The following TAS2R1 variants were observed in gnomAD, a reference collection of about 807,000 sequenced individuals.
TAS2R1 encodes taste 2 receptor member 1.
For missense variants in TAS2R1, 370 were observed against 353.4 expected (o/e 1.05, Z -0.38); for synonymous variants, 141 against 134.2 (o/e 1.05, Z -0.35).
chr5:9,768,065 T>G, the TAS2R1 span, among the ~76,000 whole-genome samples: 1 of 152,076 alleles, frequency 6.6e-6, no homozygotes, highest in African/African-American at 2.4e-5. Flanking sequence ...CCACCCTAAC[T>G]GCATCTGCTG....
At chr5:9,634,168 A>C (rs1204841309), upstream of TAS2R1, among the ~76,000 whole-genome samples, 2 of 151,978 alleles carry the variant, frequency 1.3e-5, no homozygotes, top group Non-Finnish European at 2.9e-5. Flanking sequence ...TGGCTTGCCA[A>C]TTATCTCAGC....
the TAS2R1 span, among the ~76,000 whole-genome samples, chr5:9,805,070 C>T: frequency 6.6e-5 from 10 of 151,652 alleles, no homozygotes; most frequent in African/African-American, 2.2e-4. Context: ...ATATTAGAAC[C>T]GATACCACAG....
chr5:9,718,074 C>G, the TAS2R1 span, among the ~76,000 whole-genome samples: 2 of 152,114 alleles, frequency 1.3e-5, no homozygotes, highest in African/African-American at 2.4e-5. Flanking sequence ...ATTCTCCTGC[C>G]TAAGCTTCCT....
At chr5:9,745,158 G>T in the TAS2R1 span, among the ~76,000 whole-genome samples, 1 of 152,182 alleles carries the variant, frequency 6.6e-6, no homozygotes, top group Non-Finnish European at 1.5e-5. Context: ...CCTCATGGCA[G>T]TGGGGCTAGG....
chr5:9,860,016 T>G, the TAS2R1 span, among the ~76,000 whole-genome samples: 1 of 152,252 alleles, frequency 6.6e-6, no homozygotes, highest in African/African-American at 2.4e-5. Context: ...TCTGACAGGT[T>G]GTAAACTTTC....
At chr5:9,698,660 C>A (rs946842650) in intron 1 of TAS2R1, among the ~76,000 whole-genome samples, 6 of 152,106 alleles carry the variant, frequency 3.9e-5, no homozygotes, top group Non-Finnish European at 8.8e-5. Context: ...CAGATGAATT[C>A]TATTTAACAA....
the TAS2R1 span, among the ~76,000 whole-genome samples, chr5:9,900,875 G>A: frequency 6.6e-6 from 1 of 151,934 alleles, no homozygotes; most frequent in East Asian, 1.9e-4. Flanking sequence ...CGCCCGCCTC[G>A]GCCTCCTGCT....
chr5:9,713,122 G>A (rs1036838048), upstream of TAS2R1: 2 of 152,088 alleles, frequency 1.3e-5, no homozygotes, highest in Non-Finnish European at 1.5e-5. Flanking sequence ...TCTCCCCGAT[G>A]ACGCTCGTTT....
chr5:9,774,289 T>C, the TAS2R1 span, among the ~76,000 whole-genome samples: 1 of 152,232 alleles, frequency 6.6e-6, no homozygotes, highest in East Asian at 1.9e-4. Context: ...TTTCAGTCTC[T>C]TTGTTAGGTT....
At chr5:9,849,247 C>A in the TAS2R1 span, among the ~76,000 whole-genome samples, 2 of 152,208 alleles carry the variant, frequency 1.3e-5, no homozygotes, top group Non-Finnish European at 2.9e-5. Flanking sequence ...GGGGCCACCC[C>A]TGGTCCACAG....
chr5:9,702,825 A>C (rs1236225326), intron 1 of TAS2R1, among the ~76,000 whole-genome samples: 1 of 152,040 alleles, frequency 6.6e-6, no homozygotes. Context: ...AGCAAAAGTA[A>C]GGGCATTGGG....
At chr5:9,704,733 T>G (rs1332272008) in intron 1 of TAS2R1, among the ~76,000 whole-genome samples, 1 of 152,202 alleles carries the variant, frequency 6.6e-6, no homozygotes, top group Non-Finnish European at 1.5e-5. Flanking sequence ...ATTCTTACTA[T>G]CAGATTGCTA....
the TAS2R1 span, among the ~76,000 whole-genome samples, chr5:9,819,147 G>A: frequency 2.6e-5 from 4 of 152,156 alleles, no homozygotes; most frequent in African/African-American, 9.7e-5. Context: ...AACTGAAAGG[G>A]GAGCTGTAGC....
At chr5:9,870,064 T>C in the TAS2R1 span, 3 of 152,238 alleles carry the variant, frequency 2.0e-5, no homozygotes, top group Admixed American at 2.0e-4. Flanking sequence ...GAAACATGAC[T>C]AAGCCTTTTT....
Position 9,642,857 on chromosome 5 carries a change from A to G in TAS2R1, c.-80-12865T>C, listed in dbSNP as rs148502069. 8.9e-4 allele frequency among the ~76,000 whole-genome samples: 136 copies of G among 152,216 alleles called. 1 individual carries two copies. Among genetic ancestry groups the G allele is most frequent in the African/African-American group, 3.1e-3 (127 of 41,570 alleles). On this transcript the variant is annotated intron_variant, in intron 2 of 2. Coordinates refer to the TAS2R1 transcript ENST00000506620. ...CAGATGCTGCAGTTGAATCATGGGA[A>G]TAGTCTCTAGTCCTCACGATTTTGT...
the TAS2R1 span, among the ~76,000 whole-genome samples, chr5:9,760,110 C>T: frequency 6.6e-6 from 1 of 152,264 alleles, no homozygotes; most frequent in Non-Finnish European, 1.5e-5. Flanking sequence ...CTTGGTAAGA[C>T]AGACCAATTC....
At chr5:9,791,588 G>T in the TAS2R1 span, among the ~76,000 whole-genome samples, 1 of 152,096 alleles carries the variant, frequency 6.6e-6, no homozygotes, top group Non-Finnish European at 1.5e-5. Context: ...GATTCTGGCT[G>T]CACAACAGGC....
chr5:9,863,481 T>C, the TAS2R1 span, among the ~76,000 whole-genome samples: 1 of 152,148 alleles, frequency 6.6e-6, no homozygotes, highest in African/African-American at 2.4e-5. Flanking sequence ...TTAGCCAGGA[T>C]GGTCTCGATC....
At chr5:9,688,777 C>T (rs529485559) in intron 1 of TAS2R1, among the ~76,000 whole-genome samples, 22 of 152,210 alleles carry the variant, frequency 1.4e-4, no homozygotes, top group African/African-American at 5.3e-4. Context: ...TATCTCGCAC[C>T]CTCTCTAAAG....
Sources: allele counts gnomAD v4.1 joint callset (sites outside exome capture counted in the v4.1 genomes callset), GRCh38; gene constraint gnomAD v4.1.1; transcripts MANE v1.5; gene names NCBI Gene and HGNC (gene_info 2026-07-23, HGNC 2026-07-21).